The following STAU1 variants were observed in gnomAD, a reference collection of about 807,000 sequenced individuals.
STAU1 encodes double-stranded RNA-binding protein Staufen homolog 1.
Under a neutral mutation model 62.9 loss-of-function variants are expected in STAU1, and 13 were observed. That is an observed-to-expected ratio of 0.21 (90% CI 0.13 to 0.33). The LOEUF (loss-of-function observed/expected upper bound fraction) is 0.33, where lower values mean the gene tolerates loss of function less well. Among genes scored for constraint, STAU1 ranks in the 10% least tolerant of loss-of-function variants. STAU1 has a pLI of 1.00. For missense variants in STAU1, 571 were observed against 712.1 expected (o/e 0.80, Z 2.25); for synonymous variants, 269 against 265.1 (o/e 1.01, Z -0.14).
intron 3 of STAU1, among the ~76,000 whole-genome samples, chr20:49,162,418 A>G (rs1433080841): frequency 6.6e-6 from 1 of 152,180 alleles, no homozygotes; most frequent in Non-Finnish European, 1.5e-5. Context: ...AACCAGTCCA[A>G]GGAATTGTGG....
At chr20:49,122,501 G>GCAGA (rs1414610152) in intron 8 of STAU1, among the ~76,000 whole-genome samples, 2 of 152,302 alleles carry the variant, frequency 1.3e-5, no homozygotes, top group East Asian at 3.9e-4. Flanking sequence ...GTGCTGGTGT[G>GCAGA]CAGACATTAC....
chr20:49,190,667 C>T (rs765241241), upstream of STAU1, among the ~76,000 whole-genome samples: 64 of 152,142 alleles, frequency 4.2e-4, 1 homozygote, highest in Non-Finnish European at 8.4e-4. Context: ...TAGAAACTAT[C>T]AGTCAAGTTC....
chr20:49,170,904 G>GTAAGA (rs1370710443), intron 2 of STAU1, among the ~76,000 whole-genome samples: 1 of 152,072 alleles, frequency 6.6e-6, no homozygotes, highest in Non-Finnish European at 1.5e-5. Context: ...TAAATCTGAT[G>GTAAGA]TAAGATGGAT....
At position 49,143,929 on chromosome 20, in the gene STAU1, C is replaced by T. The variant is rs1038690429; in HGVS notation, c.510+7653G>A. 3.9e-5 allele frequency among the ~76,000 whole-genome samples: 6 copies of T among 152,334 alleles called. No individual in the cohort carries two copies. In the South Asian group the frequency reaches 8.3e-4, roughly 21 times the overall value. ...GCACCTGCAGCTGGGGCACAGCCCA[C>T]CTGTAGCGATGTCAGATTCCAAGTC... On this transcript the variant is annotated intron_variant, in intron 5 of 13. Transcript: ENST00000371856.
At chr20:49,162,932 G>A (rs1179490841) in intron 3 of STAU1, among the ~76,000 whole-genome samples, 2 of 152,000 alleles carry the variant, frequency 1.3e-5, no homozygotes, top group Admixed American at 6.6e-5. Context: ...GGTGGCTCAC[G>A]CCTATAATCC....
chr20:49,176,801 T>C (rs2146525945), intron 1 of STAU1, among the ~76,000 whole-genome samples: 1 of 152,232 alleles, frequency 6.6e-6, no homozygotes, highest in South Asian at 2.1e-4. Context: ...AATAGGGGCC[T>C]CACCTGAGCC....
At chr20:49,128,306 C>A (rs1458547183) in intron 6 of STAU1, among the ~76,000 whole-genome samples, 2 of 152,082 alleles carry the variant, frequency 1.3e-5, no homozygotes, top group Non-Finnish European at 2.9e-5. Flanking sequence ...AGCCCGGGTA[C>A]CAAGTGAGTT....
intron 5 of STAU1, among the ~76,000 whole-genome samples, chr20:49,139,306 G>A (rs1238078203): frequency 6.6e-6 from 1 of 151,998 alleles, no homozygotes; most frequent in East Asian, 1.9e-4. Context: ...CCACAGAATG[G>A]GATTTGCAAA....
At chr20:49,147,750 T>C (rs1178190029) in intron 5 of STAU1, among the ~76,000 whole-genome samples, 1 of 152,220 alleles carries the variant, frequency 6.6e-6, no homozygotes, top group African/African-American at 2.4e-5. Context: ...TAGTGGAACA[T>C]TTTGTAGCCA....
the STAU1 span, among the ~76,000 whole-genome samples, chr20:49,205,428 C>T: frequency 2.7e-5 from 4 of 147,812 alleles, no homozygotes; most frequent in South Asian, 2.1e-4. Context: ...TGCAGCGGCA[C>T]GATCTCGGCT....
intron 1 of STAU1, among the ~76,000 whole-genome samples, chr20:49,176,726 A>G (rs1029130410): frequency 6.6e-6 from 1 of 152,138 alleles, no homozygotes; most frequent in Admixed American, 6.6e-5. Context: ...ATGAATGGGA[A>G]CTGAAAAAGG....
rs183986772 is a variant in STAU1 at position 49,157,030 on chromosome 20, C to A, written c.206-2959G>T. Among the ~76,000 whole-genome samples, 576 of 151,994 alleles carry A rather than the reference C, an allele frequency of 3.8e-3. 3 individuals carry two copies. Among genetic ancestry groups the A allele is most frequent in the Middle Eastern group, 0.017 (5 of 292 alleles). ...TAGCTGGGATTACAGGCACCTGCCA[C>A]CATGCCCGGCTAATTTCTGTACTTT... On this transcript the variant is annotated intron_variant, in intron 3 of 13. Transcript: ENST00000371856.
At chr20:49,213,449 C>T in the STAU1 span, among the ~76,000 whole-genome samples, 1 of 152,170 alleles carries the variant, frequency 6.6e-6, no homozygotes, top group Non-Finnish European at 1.5e-5. Flanking sequence ...AGGCTAGTCT[C>T]AAACTCCTGA....
the STAU1 span, among the ~76,000 whole-genome samples, chr20:49,206,082 C>T: frequency 6.7e-6 from 1 of 148,368 alleles, no homozygotes; most frequent in African/African-American, 2.5e-5. Context: ...CTCCTGGGTT[C>T]AAGCGATTCT....
At chr20:49,149,925 A>AC (rs1202337386) in intron 5 of STAU1, among the ~76,000 whole-genome samples, 3 of 152,224 alleles carry the variant, frequency 2.0e-5, no homozygotes, top group Non-Finnish European at 2.9e-5. Context: ...CACATAGCCC[A>AC]CTGTTCTGTG....
chr20:49,199,394 C>G, the STAU1 span, among the ~76,000 whole-genome samples: 2 of 149,982 alleles, frequency 1.3e-5, no homozygotes, highest in African/African-American at 4.9e-5. Context: ...CCACGCCCAG[C>G]TAAGTTTTGT....
rs1444168936 is a variant in STAU1 at position 49,163,273 on chromosome 20, T to C, written c.205+2724A>G. ...GCAGGGAGGGTGTTGGGAAGCAGAATATTGTTTTTATTTATTATCCCCACT... is the reference window on the plus strand; with the variant it reads ...GCAGGGAGGGTGTTGGGAAGCAGAACATTGTTTTTATTTATTATCCCCACT... On this transcript the variant is annotated intron_variant, in intron 3 of 13. Transcript: ENST00000371856. Among the ~76,000 whole-genome samples the C allele has an allele frequency of 2.6e-5, 4 of 152,194 alleles. No homozygotes were observed. In the East Asian group the frequency reaches 7.7e-4, roughly 29 times the overall value.
At chr20:49,122,602 T>C (rs1047493174) in intron 8 of STAU1, among the ~76,000 whole-genome samples, 1 of 152,186 alleles carries the variant, frequency 6.6e-6, no homozygotes, top group Non-Finnish European at 1.5e-5. Context: ...ATCAAATTAT[T>C]GCAAGCCACA....
chr20:49,153,638 G>A (rs2093299755), intron 4 of STAU1, among the ~76,000 whole-genome samples: 1 of 139,176 alleles, frequency 7.2e-6, no homozygotes, highest in Non-Finnish European at 1.5e-5. Context: ...TTGAACCCAG[G>A]AGGCAGAGGA....
Sources: gnomAD v4.1 joint callset for allele counts (sites outside exome capture counted in the v4.1 genomes callset) on GRCh38, gnomAD v4.1.1 for gene constraint, MANE v1.5 for transcripts, NCBI Gene and HGNC (gene_info 2026-07-23, HGNC 2026-07-21) for gene names.